FNBP1L: variants seen among roughly 807,000 people sequenced by gnomAD.
The protein encoded by FNBP1L is formin-binding protein 1-like.
Under a neutral mutation model 91.2 loss-of-function variants are expected in FNBP1L, and 36 were observed. The ratio of observed to expected loss-of-function variants is 0.39; its 90% CI spans 0.30 to 0.52. The LOEUF (loss-of-function observed/expected upper bound fraction) is 0.52, where lower values mean the gene tolerates loss of function less well. Among genes scored for constraint, FNBP1L ranks in the 20% least tolerant of loss-of-function variants. The probability of loss-of-function intolerance (pLI) is 0.66; values close to 1 mark genes in which losing one functional copy is unlikely to be tolerated. For missense variants in FNBP1L, 571 were observed against 732.1 expected, an observed-to-expected ratio of 0.78 and a Z score of 2.54; for synonymous variants, 242 against 237.0, an observed-to-expected ratio of 1.02 and a Z score of -0.19.
At chr1:93,547,594 A>G (rs1397372164) in intron 14 of FNBP1L, among the ~76,000 whole-genome samples, 153 bp downstream of exon 14, 1 of 152,038 alleles carries the variant, frequency 6.6e-6, no homozygotes, top group Admixed American at 6.6e-5. Flanking sequence ...TTCTTTAGTG[A>G]TAATTACAGG....
chr1:93,495,685 C>T (rs1670238637), intron 1 of FNBP1L, among the ~76,000 whole-genome samples: 1 of 151,914 alleles, frequency 6.6e-6, no homozygotes, highest in Admixed American at 6.6e-5. Context: ...GCTTACCTAC[C>T]AGGTATTTTT....
At chr1:93,551,457 C>T (rs1178590460) in intron 16 of FNBP1L, 25 of 993,518 alleles carry the variant, frequency 2.5e-5, no homozygotes, top group Non-Finnish European at 3.0e-5. Flanking sequence ...CTCTCTGCCC[C>T]CTTTACTTCA....
intron 14 of FNBP1L, among the ~76,000 whole-genome samples, chr1:93,547,705 C>T (rs1246778450): frequency 1.3e-5 from 2 of 152,198 alleles, no homozygotes; most frequent in South Asian, 4.1e-4. Context: ...GTCTGAGGGC[C>T]TAGGCTCCTC....
At chr1:93,504,869 C>T (rs149287852) in intron 2 of FNBP1L, among the ~76,000 whole-genome samples, 76 of 152,200 alleles carry the variant, frequency 5.0e-4, no homozygotes, top group Middle Eastern at 3.4e-3. Flanking sequence ...ATTCTTTCTC[C>T]CATTCTATAG....
rs887544425 is a variant in FNBP1L at position 93,536,558 on chromosome 1, C to T, written c.1149+68C>T. ...TGTGTAGTGTGGCTTTTAATACTCTCCACCCTCATTATAAGGCTCTCTCCT... is the reference window on the plus strand; with the variant it reads ...TGTGTAGTGTGGCTTTTAATACTCTTCACCCTCATTATAAGGCTCTCTCCT... On this transcript the variant is annotated intron_variant, in intron 10 of 16. Coordinates refer to ENST00000271234, the MANE Select transcript of FNBP1L (RefSeq NM_001164473.3). 34 of 1,346,560 alleles carry T rather than the reference C, an allele frequency of 2.5e-5. 1 individual carries two copies. The African/African-American group carries it at 3.4e-4, about 13-fold the overall frequency. The allele number at this position is 1,346,560 out of a possible 1,614,324, so 83.4% of individuals were successfully genotyped here.
intron 5 of FNBP1L, among the ~76,000 whole-genome samples, chr1:93,525,610 T>G (rs1426607868): frequency 2.0e-5 from 3 of 152,156 alleles, no homozygotes; most frequent in African/African-American, 7.2e-5. Context: ...ATTGGTTCCT[T>G]TAAAAATTGG....
intron 1 of FNBP1L, among the ~76,000 whole-genome samples, chr1:93,463,088 C>G (rs924216350): frequency 3.3e-5 from 5 of 152,174 alleles, no homozygotes; most frequent in Admixed American, 6.5e-5. Flanking sequence ...CAGATTATTT[C>G]AGCTTTTGAC....
chr1:93,523,100 C>A (rs915525138), intron 3 of FNBP1L, among the ~76,000 whole-genome samples: 7 of 152,110 alleles, frequency 4.6e-5, no homozygotes, highest in African/African-American at 1.4e-4. Flanking sequence ...AGGTAGTATT[C>A]TTATTATTTT....
At chr1:93,529,389 T>TTTA (rs1671599472) in intron 5 of FNBP1L, among the ~76,000 whole-genome samples, 1 of 152,152 alleles carries the variant, frequency 6.6e-6, no homozygotes, top group African/African-American at 2.4e-5. Context: ...AGTGCGCAGT[T>TTTA]CATTTCCACA....
In FNBP1L at chr1:93,551,099, A is replaced by G. The variant is rs571383468; in HGVS notation, c.1804A>G (p.Ser602Gly). The G allele has an allele frequency of 6.2e-7, 1 of 1,606,924 alleles. No individual in the cohort carries two copies. Among genetic ancestry groups the G allele is most frequent in the Non-Finnish European group, 8.5e-7 (1 of 1,176,248 alleles). ...CATAGATGTAACTCTAGAGAAAAAC[A>G]GTAAAGGTGCAGTAACTTATATCTA... is the stretch of plus-strand genomic sequence containing the variant. The part of the protein sequence containing the change: ...SYIDVTLEKN[S>G]KGS Residue 602 changes from serine (S) to glycine (G), a missense_variant, in exon 16 of 17, where the codon AGT (serine) becomes GGT (glycine). Coordinates refer to ENST00000271234, the MANE Select transcript of FNBP1L (RefSeq NM_001164473.3).
chr1:93,463,795 C>T (rs1315004325), intron 1 of FNBP1L, among the ~76,000 whole-genome samples: 2 of 152,186 alleles, frequency 1.3e-5, no homozygotes, highest in African/African-American at 4.8e-5. Flanking sequence ...TTACTTACAT[C>T]ACCTTTTCTC....
At chr1:93,467,678 G>A (rs181817800) in intron 1 of FNBP1L, among the ~76,000 whole-genome samples, 1 of 152,272 alleles carries the variant, frequency 6.6e-6, no homozygotes. Context: ...AGGAGGCTGA[G>A]GTGGGAGGAC....
In FNBP1L at chr1:93,529,685, G is replaced by T. The variant is rs868250839; in HGVS notation, c.439G>T (p.Ala147Ser). 1.3e-6 allele frequency: 2 copies of T among 1,512,464 alleles called. No homozygotes were observed. The highest frequency in any genetic ancestry group is 1.8e-6 in the Non-Finnish European group (2 of 1,134,646). 93.7% of individuals were successfully genotyped at this position (1,512,464 alleles called of 1,614,324 possible). The change falls in exon 6 of 17, where the codon GCA becomes TCA. Residue 147 changes from alanine to serine, a missense_variant. By Grantham distance (99) the Ala-to-Ser change is moderately conservative. Around this residue, in one of 5 missense-constraint regions of FNBP1L, gnomAD observed 220 missense variants for 313.6 expected, o/e 0.70. Coordinates refer to ENST00000271234, the MANE Select transcript of FNBP1L (RefSeq NM_001164473.3). ...GAAGTTTGAAAGAGAATGTAGAGAG[G>T]CAGAAAAGGCACAACAGAGTTATGA... ...KKKFERECRE[A>S]EKAQQSYERL...
At chr1:93,478,168 C>G (rs1166632424) in intron 1 of FNBP1L, among the ~76,000 whole-genome samples, 1 of 152,158 alleles carries the variant, frequency 6.6e-6, no homozygotes, top group Non-Finnish European at 1.5e-5. Flanking sequence ...CTCTCTTTTA[C>G]CCTCTGAGCA....
intron 2 of FNBP1L, among the ~76,000 whole-genome samples, chr1:93,520,467 A>G (rs1321027412): frequency 6.6e-6 from 1 of 152,226 alleles, no homozygotes; most frequent in Non-Finnish European, 1.5e-5. Context: ...TACTAGAAAC[A>G]TGACATAAAA....
At chr1:93,542,588 C>T (rs1325505522) in intron 11 of FNBP1L, among the ~76,000 whole-genome samples, 1 of 151,354 alleles carries the variant, frequency 6.6e-6, no homozygotes, top group Non-Finnish European at 1.5e-5. Flanking sequence ...AATTATAGCT[C>T]ATCCTAGGAG....
Position 93,552,878 on chromosome 1 carries a change from G to C in FNBP1L, c.*462G>C, listed in dbSNP as rs906353847. The C allele has an allele frequency of 6.4e-6, 1 of 155,322 alleles. No individual in the cohort carries two copies. Among genetic ancestry groups the C allele is most frequent in the East Asian group, 1.9e-4 (1 of 5,280 alleles). The allele number at this position is 155,322 out of a possible 1,614,324, so 9.6% of individuals were successfully genotyped here. A position where few individuals can be genotyped will look rare whatever the true frequency, so the allele number is the denominator to read the frequency against. On this transcript the variant is annotated 3_prime_UTR_variant, in exon 17 of 17. Transcript: ENST00000271234. ...CTTAACATCCTGTTGCATGTCTAGCGTGATTGAGCTAGATTTTTCAGGCAT... is the reference window on the plus strand; with the variant it reads ...CTTAACATCCTGTTGCATGTCTAGCCTGATTGAGCTAGATTTTTCAGGCAT...
intron 2 of FNBP1L, among the ~76,000 whole-genome samples, chr1:93,507,951 GT>G (rs79539949): frequency 0.036 from 4,981 of 138,842 alleles, 235 homozygotes; most frequent in African/African-American, 0.11. Flanking sequence ...CCCTGGCCTA[GT>G]TTTTTTTTTT....
intron 1 of FNBP1L, among the ~76,000 whole-genome samples, chr1:93,461,449 C>T (rs1368169799): frequency 6.6e-6 from 1 of 152,080 alleles, no homozygotes; most frequent in Admixed American, 6.5e-5. Flanking sequence ...TTCACGAGAT[C>T]AACACTCTCA....
Sources: allele counts gnomAD v4.1 joint callset (sites outside exome capture counted in the v4.1 genomes callset), GRCh38; gene constraint gnomAD v4.1.1; regional missense constraint gnomAD v4.1.1; transcripts MANE v1.5; gene names NCBI Gene and HGNC (gene_info 2026-07-23, HGNC 2026-07-21).